CADM2: variants seen among roughly 807,000 people sequenced by gnomAD.
The protein encoded by CADM2 is cell adhesion molecule 2.
Under a neutral mutation model 49.8 loss-of-function variants are expected in CADM2, and 12 were observed. That is an observed-to-expected ratio of 0.24 (90% CI 0.15 to 0.39). CADM2 has a LOEUF of 0.39. Ranked by LOEUF, CADM2 falls within the 10% of genes least tolerant of loss-of-function variation. The probability of loss-of-function intolerance (pLI) is 1.00; values close to 1 mark genes in which losing one functional copy is unlikely to be tolerated. For synonymous variants in CADM2, 214 were observed against 175.4 expected (o/e 1.22, Z -1.74); for missense variants, 378 against 492.3 (o/e 0.77, Z 2.20).
rs576546731 is a variant in CADM2 at position 85,411,984 on chromosome 3, T to A, written c.62-314538T>A. On this transcript the variant is annotated intron_variant, in intron 1 of 9. Transcript: ENST00000383699. The stretch of plus-strand genomic sequence containing the variant: ...CTGTGATTACACCCATATGCCACCA[T>A]GCCCAGCTATTTTTTATATTTTCAG... Among the ~76,000 whole-genome samples, 10 of 152,218 alleles carry A rather than the reference T, an allele frequency of 6.6e-5. No homozygotes were observed. In the South Asian group the frequency reaches 2.1e-3, roughly 32 times the overall value.
chr3:85,013,199 T>C (rs527324388), intron 1 of CADM2, among the ~76,000 whole-genome samples: 1 of 151,166 alleles, frequency 6.6e-6, no homozygotes, highest in East Asian at 1.9e-4. Context: ...TTCTTTAGCC[T>C]GTAGCAAATC....
At chr3:85,281,148 A>G (rs186547130) in intron 1 of CADM2, among the ~76,000 whole-genome samples, 9 of 152,044 alleles carry the variant, frequency 5.9e-5, no homozygotes. Flanking sequence ...AGATAAATAT[A>G]AAAATAGAAA....
chr3:85,738,987 C>A (rs1286561664), intron 2 of CADM2, among the ~76,000 whole-genome samples: 1 of 152,022 alleles, frequency 6.6e-6, no homozygotes, highest in Non-Finnish European at 1.5e-5. Context: ...ACAGATATAT[C>A]AATCTCAATG....
chr3:85,580,258 C>G (rs2062757107), intron 1 of CADM2, among the ~76,000 whole-genome samples: 1 of 152,070 alleles, frequency 6.6e-6, no homozygotes. Context: ...TGCAGGAGGA[C>G]AGTATCTTCA....
intron 3 of CADM2, among the ~76,000 whole-genome samples, chr3:85,847,473 G>C (rs1223608351): frequency 9.9e-5 from 15 of 152,164 alleles, no homozygotes; most frequent in Non-Finnish European, 2.1e-4. Flanking sequence ...AAGTGCTTCA[G>C]ATGGGAAATG....
chr3:84,985,062 G>T (rs1158103905), intron 1 of CADM2, among the ~76,000 whole-genome samples: 1 of 152,082 alleles, frequency 6.6e-6, no homozygotes, highest in Non-Finnish European at 1.5e-5. Flanking sequence ...TTAATTTTTG[G>T]TACGTGGGTT....
At chr3:85,720,003 C>T (rs959777771) in intron 1 of CADM2, among the ~76,000 whole-genome samples, 1 of 151,514 alleles carries the variant, frequency 6.6e-6, no homozygotes, top group Admixed American at 6.6e-5. Context: ...TAAATATTAA[C>T]AATAATTTCC....
At chr3:85,703,267 G>T (rs1013543911) in intron 1 of CADM2, among the ~76,000 whole-genome samples, 3 of 152,056 alleles carry the variant, frequency 2.0e-5, no homozygotes, top group Non-Finnish European at 4.4e-5. Flanking sequence ...TGATTAGCAG[G>T]ATCAGCACTC....
chr3:85,439,589 C>T (rs568621872), intron 1 of CADM2, among the ~76,000 whole-genome samples: 22 of 151,978 alleles, frequency 1.4e-4, no homozygotes, highest in African/African-American at 2.2e-4. Flanking sequence ...AGCAGTAAGT[C>T]AGTATGTTTT....
intron 1 of CADM2, among the ~76,000 whole-genome samples, chr3:85,431,863 A>ATGTATC (rs1258309404): frequency 9.1e-6 from 1 of 110,362 alleles, no homozygotes; most frequent in African/African-American, 3.2e-5. Context: ...TTAATTGCAT[A>ATGTATC]TATATATATG....
At chr3:85,540,455 A>T (rs1559896495) in intron 1 of CADM2, among the ~76,000 whole-genome samples, 1 of 152,154 alleles carries the variant, frequency 6.6e-6, no homozygotes, top group African/African-American at 2.4e-5. Context: ...TACTTAAAAC[A>T]TATTGACTAT....
intron 1 of CADM2, among the ~76,000 whole-genome samples, chr3:85,188,148 T>G (rs2041109380): frequency 6.6e-6 from 1 of 152,108 alleles, no homozygotes; most frequent in South Asian, 2.1e-4. Flanking sequence ...TTGGATATGA[T>G]TTAATTTCGG....
chr3:86,003,157 T>C (rs1730386421), intron 8 of CADM2, among the ~76,000 whole-genome samples: 1 of 152,066 alleles, frequency 6.6e-6, no homozygotes, highest in South Asian at 2.1e-4. Flanking sequence ...CTAGAGAAAA[T>C]GGCAAATGAG....
At chr3:85,078,331 A>C (rs2037028668) in intron 1 of CADM2, among the ~76,000 whole-genome samples, 1 of 152,038 alleles carries the variant, frequency 6.6e-6, no homozygotes, top group Non-Finnish European at 1.5e-5. Context: ...AGTACATGAC[A>C]TTAATATAAA....
intron 1 of CADM2, among the ~76,000 whole-genome samples, chr3:85,323,374 A>G (rs1340017135): frequency 2.0e-5 from 3 of 152,024 alleles, no homozygotes; most frequent in Non-Finnish European, 4.4e-5. Context: ...TTGTCCAGGC[A>G]TTTTCTTAGT....
At chr3:85,697,137 G>T (rs1353445272) in intron 1 of CADM2, among the ~76,000 whole-genome samples, 1 of 127,776 alleles carries the variant, frequency 7.8e-6, no homozygotes, top group Non-Finnish European at 1.7e-5. Context: ...GGCAGCTTCA[G>T]TTAGCTACTC....
intron 1 of CADM2, among the ~76,000 whole-genome samples, chr3:85,704,059 C>G (rs1011351659): frequency 1.3e-5 from 2 of 152,140 alleles, no homozygotes; most frequent in African/African-American, 4.8e-5. Flanking sequence ...CCAGAATATC[C>G]ACTCATCAAA....
chr3:85,397,725 G>C (rs571403314), intron 1 of CADM2, among the ~76,000 whole-genome samples: 1 of 152,150 alleles, frequency 6.6e-6, no homozygotes, highest in Admixed American at 6.5e-5. Context: ...TGAAGGCTGA[G>C]GGGGAGGGGT....
At chr3:85,552,264 T>A (rs2061823058) in intron 1 of CADM2, among the ~76,000 whole-genome samples, 1 of 151,764 alleles carries the variant, frequency 6.6e-6, no homozygotes. Context: ...AGCTCAGGTC[T>A]ATGACATTTG....
Sources: allele counts gnomAD v4.1 joint callset (sites outside exome capture counted in the v4.1 genomes callset), GRCh38; gene constraint gnomAD v4.1.1; transcripts MANE v1.5; gene names NCBI Gene and HGNC (gene_info 2026-07-23, HGNC 2026-07-21).